The following SYN2 variants were observed in gnomAD, a reference collection of about 807,000 sequenced individuals.
The protein encoded by SYN2 is synapsin II.
A neutral mutation model predicts 50.9 loss-of-function variants in SYN2; 19 were observed. The ratio of observed to expected loss-of-function variants is 0.37; its 90% CI spans 0.26 to 0.55. The LOEUF (loss-of-function observed/expected upper bound fraction) is 0.55. SYN2 is among the 20% of genes least tolerant of loss of function. The pLI is 0.81. For synonymous variants in SYN2, 255 were observed against 224.9 expected, an observed-to-expected ratio of 1.13 and a Z score of -1.20; for missense variants, 587 against 576.4, an observed-to-expected ratio of 1.02 and a Z score of -0.19.
rs57745140 is a variant in SYN2 at position 12,088,230 on chromosome 3, A to T, written c.378-52421A>T. ...AACTCAATAACAAGAAAACAACCCAATTTTTTTAAATGGGCAAAGGACTTG... is the reference window on the plus strand; with the variant it reads ...AACTCAATAACAAGAAAACAACCCATTTTTTTTAAATGGGCAAAGGACTTG... On this transcript the variant is annotated intron_variant, in intron 1 of 12. Coordinates refer to ENST00000621198, the MANE Select transcript of SYN2 (RefSeq NM_133625.6). 4.6e-3 allele frequency among the ~76,000 whole-genome samples: 702 copies of T among 152,234 alleles called. 5 individuals are homozygous for T. The highest frequency in any genetic ancestry group is 0.015 in the African/African-American group (644 of 41,566).
At chr3:12,134,953 A>G (rs962269589) in intron 1 of SYN2, among the ~76,000 whole-genome samples, 4 of 152,188 alleles carry the variant, frequency 2.6e-5, no homozygotes, top group African/African-American at 9.7e-5. Context: ...AGCACCTACC[A>G]CTGGATGCTC....
chr3:12,039,222 A>G (rs1694561265), intron 1 of SYN2, among the ~76,000 whole-genome samples: 1 of 152,150 alleles, frequency 6.6e-6, no homozygotes, highest in Admixed American at 6.5e-5. Context: ...TCATATGTTG[A>G]ACCAACATTG....
At chr3:12,062,118 T>G (rs1258827218) in intron 1 of SYN2, among the ~76,000 whole-genome samples, 1 of 152,050 alleles carries the variant, frequency 6.6e-6, no homozygotes, top group Admixed American at 6.6e-5. Flanking sequence ...ATTTCAAGAC[T>G]TTTTATTACA....
intron 1 of SYN2, among the ~76,000 whole-genome samples, chr3:12,009,109 G>A (rs549011707): frequency 3.6e-4 from 55 of 152,280 alleles, no homozygotes; most frequent in African/African-American, 9.4e-4. Context: ...TACTTTAAGC[G>A]TCTTATTTCT....
In SYN2 at chr3:12,161,329, G is replaced by A. The variant is rs374382914; in HGVS notation, c.775-217G>A. Among the ~76,000 whole-genome samples, 42 of 152,280 alleles carry A rather than the reference G, an allele frequency of 2.8e-4. No individual in the cohort carries two copies. The South Asian group carries it at 6.8e-3, about 25-fold the overall frequency. On this transcript the variant is annotated intron_variant, in intron 5 of 12. Coordinates refer to ENST00000621198, the MANE Select transcript of SYN2 (RefSeq NM_133625.6). ...TAAAGATGTAGGGTATACCAAATAA[G>A]AGTACAGGGTTCTTGTAGCACTGCC...
intron 1 of SYN2, chr3:12,070,591 T>C (rs1695330719): frequency 2.1e-5 from 29 of 1,368,024 alleles, no homozygotes; most frequent in Admixed American, 5.4e-5. Context: ...AGAGAGAAGA[T>C]GACCCAGATC....
chr3:12,166,791 T>A (rs1368466583), intron 7 of SYN2, among the ~76,000 whole-genome samples: 2 of 152,212 alleles, frequency 1.3e-5, no homozygotes, highest in Non-Finnish European at 2.9e-5. Flanking sequence ...ATCAAGTCAG[T>A]ATAGATACTG....
chr3:12,014,644 C>T (rs1227410756), intron 1 of SYN2, among the ~76,000 whole-genome samples: 1 of 152,122 alleles, frequency 6.6e-6, no homozygotes, highest in African/African-American at 2.4e-5. Context: ...TCTGAAAATT[C>T]GGTCTTCTTT....
chr3:12,066,304 T>G (rs1466450050), intron 1 of SYN2, among the ~76,000 whole-genome samples: 2 of 152,130 alleles, frequency 1.3e-5, no homozygotes, highest in African/African-American at 4.8e-5. Context: ...ATCTTAATAG[T>G]TTTTTTGGTA....
At chr3:12,180,819 A>G (rs528738491) in intron 10 of SYN2, among the ~76,000 whole-genome samples, 2 of 152,306 alleles carry the variant, frequency 1.3e-5, no homozygotes, top group South Asian at 2.1e-4. Flanking sequence ...TCTTACATGT[A>G]TATTCCTATG....
At chr3:12,059,447 A>T (rs1383006188) in intron 1 of SYN2, among the ~76,000 whole-genome samples, 1 of 152,128 alleles carries the variant, frequency 6.6e-6, no homozygotes, top group Non-Finnish European at 1.5e-5. Context: ...AAAGAATGTT[A>T]ACTCTGGCTC....
chr3:12,154,420 G>A (rs2125227978), intron 5 of SYN2: 1 of 1,614,128 alleles, frequency 6.2e-7, no homozygotes, highest in Non-Finnish European at 8.5e-7. Flanking sequence ...TGCACAGATG[G>A]ATGAAGACTT....
chr3:12,100,578 TATG>T (rs1286297511), intron 1 of SYN2, among the ~76,000 whole-genome samples: 1 of 152,166 alleles, frequency 6.6e-6, no homozygotes, highest in Non-Finnish European at 1.5e-5. Flanking sequence ...GTTTCTTAGA[TATG>T]ATACCAAAAG....
At chr3:12,156,812 T>C (rs529579724) in intron 5 of SYN2, 2 of 1,611,716 alleles carry the variant, frequency 1.2e-6, no homozygotes, top group African/African-American at 2.7e-5. Context: ...GTTGGTCTTT[T>C]AACTTACCAG....
At chr3:12,128,090 A>G (rs1427549930) in intron 1 of SYN2, among the ~76,000 whole-genome samples, 8 of 151,898 alleles carry the variant, frequency 5.3e-5, no homozygotes, top group South Asian at 2.1e-4. Flanking sequence ...GACCACAGAC[A>G]CTAGCCACCA....
chr3:12,180,168 C>CAA (rs1471624441), intron 10 of SYN2, among the ~76,000 whole-genome samples: 1 of 151,970 alleles, frequency 6.6e-6, no homozygotes, highest in Non-Finnish European at 1.5e-5. Context: ...AGGCTGGTCT[C>CAA]AAACTCCTGG....
intron 1 of SYN2, among the ~76,000 whole-genome samples, chr3:12,089,051 T>C (rs1463833547): frequency 6.6e-6 from 1 of 152,188 alleles, no homozygotes. Context: ...AAACAATAGG[T>C]AAAATGGTGA....
intron 1 of SYN2, among the ~76,000 whole-genome samples, chr3:12,088,493 G>C (rs1285549310): frequency 2.0e-5 from 3 of 152,142 alleles, no homozygotes; most frequent in Non-Finnish European, 4.4e-5. Flanking sequence ...ACGCTATGGA[G>C]GTTCCTCAAA....
intron 1 of SYN2, among the ~76,000 whole-genome samples, chr3:12,020,958 A>G (rs886221353): frequency 6.6e-6 from 1 of 152,234 alleles, no homozygotes; most frequent in Admixed American, 6.5e-5. Context: ...CCATAGCAGT[A>G]GAGGAGCTGC....
Sources: allele counts gnomAD v4.1 joint callset (sites outside exome capture counted in the v4.1 genomes callset), GRCh38; gene constraint gnomAD v4.1.1; transcripts MANE v1.5; gene names NCBI Gene and HGNC (gene_info 2026-07-23, HGNC 2026-07-21).